FHOD3: variants seen among roughly 807,000 people sequenced by gnomAD.
FHOD3 encodes the protein formin homology 2 domain containing 3.
A neutral mutation model predicts 173.0 loss-of-function variants in FHOD3; 90 were observed. The observed-to-expected ratio is 0.52, with a 90% confidence interval of 0.44 to 0.62. The LOEUF (loss-of-function observed/expected upper bound fraction) is 0.62. Among genes scored for constraint, FHOD3 ranks in the 20% least tolerant of loss-of-function variants. The pLI is 0.00. For synonymous variants in FHOD3, 828 were observed against 823.0 expected, an observed-to-expected ratio of 1.01 and a Z score of -0.10; for missense variants, 1,945 against 2,034.7, an observed-to-expected ratio of 0.96 and a Z score of 0.85.
At chr18:36,695,353 T>TAAA (rs56112529) in intron 17 of FHOD3, among the ~76,000 whole-genome samples, 1 of 109,006 alleles carries the variant, frequency 9.2e-6, no homozygotes, top group African/African-American at 3.1e-5. Context: ...GTCTCAAAAA[T>TAAA]AAAAAAAAAA....
At chr18:36,447,390 G>A (rs2144110269) in intron 3 of FHOD3, among the ~76,000 whole-genome samples, 1 of 152,322 alleles carries the variant, frequency 6.6e-6, no homozygotes, top group South Asian at 2.1e-4. Context: ...GACATGACGT[G>A]TGATTGGGCC....
At chr18:36,622,767 C>T (rs999030251) in intron 9 of FHOD3, among the ~76,000 whole-genome samples, 6 of 152,186 alleles carry the variant, frequency 3.9e-5, no homozygotes, top group Non-Finnish European at 8.8e-5. Flanking sequence ...TTTCTAGCTC[C>T]CAGTGTTCCT....
chr18:36,352,259 A>G (rs1054298681), intron 1 of FHOD3, among the ~76,000 whole-genome samples: 4 of 152,168 alleles, frequency 2.6e-5, no homozygotes, highest in Non-Finnish European at 5.9e-5. Flanking sequence ...AAAAATAGTA[A>G]TAATAGTAAA....
chr18:36,345,378 A>G (rs1238176898), intron 1 of FHOD3, among the ~76,000 whole-genome samples: 1 of 152,260 alleles, frequency 6.6e-6, no homozygotes, highest in African/African-American at 2.4e-5. Flanking sequence ...ATGAAAATAC[A>G]TCACATCAGA....
intron 3 of FHOD3, among the ~76,000 whole-genome samples, chr18:36,380,408 A>G (rs986972762): frequency 6.6e-6 from 1 of 151,974 alleles, no homozygotes; most frequent in African/African-American, 2.4e-5. Context: ...GAGCCACGTT[A>G]CTGGTCAATA....
Position 36,465,056 on chromosome 18 carries a change from T to C in FHOD3, c.338-36876T>C, listed in dbSNP as rs372159248. On this transcript the variant is annotated intron_variant, in intron 3 of 28. Transcript: ENST00000590592. ...CAAAAAGTTAGACATGGCTGGGCGCTGTGGCTCACGCCTGTAATCCCAGCA... is the reference window on the plus strand; with the variant it reads ...CAAAAAGTTAGACATGGCTGGGCGCCGTGGCTCACGCCTGTAATCCCAGCA... Among the ~76,000 whole-genome samples, 79 of 152,228 alleles carry C rather than the reference T, an allele frequency of 5.2e-4. 2 individuals are homozygous for C. The Middle Eastern group carries it at 0.041, about 79-fold the overall frequency.
chr18:36,701,971 C>T (rs2039615508), intron 17 of FHOD3, among the ~76,000 whole-genome samples: 1 of 152,192 alleles, frequency 6.6e-6, no homozygotes, highest in African/African-American at 2.4e-5. Flanking sequence ...AACTTGAGGA[C>T]AAAGCATGGC....
intron 3 of FHOD3, among the ~76,000 whole-genome samples, chr18:36,410,166 TC>T (rs544221664): frequency 3.3e-5 from 5 of 151,676 alleles, no homozygotes; most frequent in Non-Finnish European, 5.9e-5. Flanking sequence ...ACACCTAATT[TC>T]CCCCCTGCCG....
At chr18:36,309,811 T>C (rs1414359197) in intron 1 of FHOD3, among the ~76,000 whole-genome samples, 1 of 152,224 alleles carries the variant, frequency 6.6e-6, no homozygotes, top group African/African-American at 2.4e-5. Flanking sequence ...GGACAGTGAT[T>C]CATTACAGAA....
intron 14 of FHOD3, among the ~76,000 whole-genome samples, chr18:36,658,698 T>G (rs538318816): frequency 1.3e-5 from 2 of 152,334 alleles, no homozygotes; most frequent in South Asian, 4.1e-4. Flanking sequence ...TAACTGATTA[T>G]GACTCCCAGA....
At position 36,744,120 on chromosome 18, in the gene FHOD3, C is replaced by T. The variant is rs1192280315; in HGVS notation, c.3968C>T (p.Thr1323Ile). The stretch of plus-strand genomic sequence containing the variant: ...CAGTCGCTTCTCCACCATGTGTGCA[C>T]CATGGTGGTAGAAAACTTCCCAGAC... The part of the protein sequence containing the change: ...HKQSLLHHVC[T>I]MVVENFPDSS... The change falls in exon 23 of 29, where the codon ACC (threonine) becomes ATC (isoleucine). Residue 1323 changes from threonine to isoleucine, a missense_variant. By Grantham distance (89) the Thr-to-Ile change is moderately conservative. Transcript: ENST00000590592. The T allele has an allele frequency of 1.2e-6, 2 of 1,613,780 alleles. No individual in the cohort carries two copies. Among genetic ancestry groups the T allele is most frequent in the African/African-American group, 1.3e-5 (1 of 74,922 alleles).
At chr18:36,654,413 A>G (rs926175139) in intron 13 of FHOD3, among the ~76,000 whole-genome samples, 3 of 152,192 alleles carry the variant, frequency 2.0e-5, no homozygotes, top group African/African-American at 7.2e-5. Flanking sequence ...TTTTTTTACT[A>G]TAAGTTTAAA....
At chr18:36,484,281 T>C (rs1477596293) in intron 3 of FHOD3, among the ~76,000 whole-genome samples, 2 of 152,186 alleles carry the variant, frequency 1.3e-5, no homozygotes, top group African/African-American at 2.4e-5. Context: ...TCTTTTAATA[T>C]ATGTCTCAGA....
At chr18:36,569,267 A>C (rs1358962264) in intron 5 of FHOD3, among the ~76,000 whole-genome samples, 1 of 152,200 alleles carries the variant, frequency 6.6e-6, no homozygotes, top group Non-Finnish European at 1.5e-5. Context: ...GTTTAAAAGC[A>C]AAAGGATGCA....
At chr18:36,600,424 T>C (rs2031202890) in intron 7 of FHOD3, among the ~76,000 whole-genome samples, 1 of 152,242 alleles carries the variant, frequency 6.6e-6, no homozygotes, top group African/African-American at 2.4e-5. Flanking sequence ...GCCTGAGGCC[T>C]GCCAAGGCTA....
chr18:36,457,616 T>C (rs141420032), intron 3 of FHOD3, among the ~76,000 whole-genome samples: 3 of 151,532 alleles, frequency 2.0e-5, no homozygotes, highest in African/African-American at 7.3e-5. Context: ...TCCATAAGAG[T>C]TGACCAATCT....
chr18:36,362,957 C>T (rs2046707887), intron 2 of FHOD3, among the ~76,000 whole-genome samples: 1 of 152,168 alleles, frequency 6.6e-6, no homozygotes. Context: ...AATAAGAAAA[C>T]AACCTGATTA....
intron 24 of FHOD3, among the ~76,000 whole-genome samples, chr18:36,751,605 G>A (rs2042404032): frequency 6.6e-6 from 1 of 152,122 alleles, no homozygotes; most frequent in African/African-American, 2.4e-5. Context: ...ATTGGCTGTG[G>A]ATTTGTCATA....
intron 3 of FHOD3, among the ~76,000 whole-genome samples, chr18:36,476,109 A>G (rs1384072064): frequency 6.6e-6 from 1 of 151,946 alleles, no homozygotes; most frequent in East Asian, 1.9e-4. Context: ...TCAACCTATT[A>G]CTCCTCTGCT....
Sources: allele counts gnomAD v4.1 joint callset (sites outside exome capture counted in the v4.1 genomes callset), GRCh38; gene constraint gnomAD v4.1.1; transcripts MANE v1.5; gene names NCBI Gene and HGNC (gene_info 2026-07-23, HGNC 2026-07-21).